TRDN: variants seen among roughly 807,000 people sequenced by gnomAD.
TRDN encodes the protein triadin.
In TRDN, 161 loss-of-function variants were observed where a neutral mutation model predicts 149.7. That is an observed-to-expected ratio of 1.08 (90% CI 0.95 to 1.23). The LOEUF is 1.23. Among genes scored for constraint, TRDN ranks in the 50% most tolerant of loss-of-function variants. TRDN has a pLI of 0.00. For missense variants in TRDN, 896 were observed against 823.5 expected, an observed-to-expected ratio of 1.09 and a Z score of -1.08; for synonymous variants, 294 against 250.5, an observed-to-expected ratio of 1.17 and a Z score of -1.64.
In TRDN at chr6:123,218,581, T is replaced by A. The variant is rs373339957; in HGVS notation, c.*20A>T. The stretch of plus-strand genomic sequence containing the variant: ...CATTTTTAAAATCTTAAAGCACTTG[T>A]AAGGGTCATACATGTGTGTTTACTG... On this transcript the variant is annotated 3_prime_UTR_variant, in exon 41 of 41. Coordinates refer to ENST00000334268, the MANE Select transcript of TRDN (RefSeq NM_006073.4). 6.2e-7 allele frequency: 1 copy of A among 1,601,514 alleles called. No individual in the cohort carries two copies. The highest frequency in any genetic ancestry group is 8.5e-7 in the Non-Finnish European group (1 of 1,174,836).
chr6:123,512,446 T>C (rs552283988), intron 6 of TRDN, 84 bp from the exon 7 acceptor site: 3 of 732,446 alleles, frequency 4.1e-6, no homozygotes, highest in Non-Finnish European at 6.8e-6. Flanking sequence ...TCATAAGTGC[T>C]AAAACCTAAT....
At chr6:123,562,519 C>G (rs1294908093) in intron 2 of TRDN, among the ~76,000 whole-genome samples, 1 of 152,192 alleles carries the variant, frequency 6.6e-6, no homozygotes, top group African/African-American at 2.4e-5. Context: ...TAGGTTCTCA[C>G]AGATACCAAA....
At chr6:123,601,739 G>T (rs901598070) in intron 1 of TRDN, among the ~76,000 whole-genome samples, 8 of 152,052 alleles carry the variant, frequency 5.3e-5, no homozygotes, top group Non-Finnish European at 1.0e-4. Flanking sequence ...CTCTAAGCTG[G>T]CAGGTAACAA....
intron 23 of TRDN, among the ~76,000 whole-genome samples, chr6:123,318,264 T>G (rs1409383645): frequency 6.6e-6 from 1 of 152,032 alleles, no homozygotes; most frequent in Non-Finnish European, 1.5e-5. Context: ...TCAAGCAAAT[T>G]AGCACAATTC....
intron 12 of TRDN, among the ~76,000 whole-genome samples, chr6:123,406,684 T>C (rs1057314020): frequency 1.3e-5 from 2 of 152,138 alleles, no homozygotes; most frequent in Non-Finnish European, 2.9e-5. Context: ...TTTACATAAA[T>C]GTCTCTGCCT....
intron 5 of TRDN, among the ~76,000 whole-genome samples, chr6:123,519,110 G>C (rs1779547942): frequency 6.6e-6 from 1 of 152,190 alleles, no homozygotes; most frequent in African/African-American, 2.4e-5. Context: ...GCTCAGGACA[G>C]AATAAGCTTC....
At chr6:123,580,848 G>A (rs1783087528) in intron 1 of TRDN, among the ~76,000 whole-genome samples, 1 of 152,142 alleles carries the variant, frequency 6.6e-6, no homozygotes, top group Non-Finnish European at 1.5e-5. Context: ...CATCCTCACA[G>A]TTTGCACTTG....
At chr6:123,236,025 T>C (rs560090864) in intron 38 of TRDN, among the ~76,000 whole-genome samples, 3 of 152,276 alleles carry the variant, frequency 2.0e-5, no homozygotes, top group African/African-American at 7.2e-5. Context: ...CAAACATAAA[T>C]TTTTATTTCT....
intron 1 of TRDN, among the ~76,000 whole-genome samples, chr6:123,632,357 T>C (rs1216616867): frequency 6.6e-6 from 1 of 152,062 alleles, no homozygotes; most frequent in Non-Finnish European, 1.5e-5. Context: ...CTAGCTATCA[T>C]TTTAATGGTT....
rs142182694 is a variant in TRDN, at chr6:123,631,510, CATAAGT to C, written c.22+5238_22+5243del. ...TTACTTCCTTGTCTGCTTTTACAAA[CATAAGT>C]ATATTTCCAGACTACTCTGCTTAAT... On this transcript the variant is annotated intron_variant, in intron 1 of 40. Coordinates refer to ENST00000334268, the MANE Select transcript of TRDN (RefSeq NM_006073.4). Among the ~76,000 whole-genome samples the C allele has an allele frequency of 7.2e-3, 1,101 of 152,072 alleles. 59 individuals are homozygous for C. In the East Asian group the frequency reaches 0.16, roughly 22 times the overall value.
chr6:123,468,357 G>GT lies in TRDN; in HGVS notation c.854-3375dup, dbSNP rs1391180895. 9.9e-5 allele frequency among the ~76,000 whole-genome samples: 15 copies of GT among 152,224 alleles called. 1 individual carries two copies. Among genetic ancestry groups the GT allele is most frequent in the African/African-American group, 3.6e-4 (15 of 41,558 alleles). On this transcript the variant is annotated intron_variant, in intron 9 of 40. Transcript: ENST00000334268. ...AAAATCCCTCTGACATTCAAACACA[G>GT]TAAGTTGGCTTCATTTCTGTTCCTT... is the stretch of plus-strand genomic sequence containing the variant.
At chr6:123,234,946 G>A (rs113719247) in intron 38 of TRDN, among the ~76,000 whole-genome samples, 161 of 152,148 alleles carry the variant, frequency 1.1e-3, no homozygotes, top group African/African-American at 3.8e-3. Flanking sequence ...AGCCAGGGAG[G>A]GTGGGACAAT....
chr6:123,563,624 T>G (rs762811483), intron 2 of TRDN, among the ~76,000 whole-genome samples: 9 of 152,182 alleles, frequency 5.9e-5, no homozygotes, highest in African/African-American at 9.7e-5. Context: ...TCTGGTGGCA[T>G]AAAAGTCAAA....
At chr6:123,231,273 T>C (rs999540844) in intron 38 of TRDN, among the ~76,000 whole-genome samples, 1 of 151,990 alleles carries the variant, frequency 6.6e-6, no homozygotes, top group Non-Finnish European at 1.5e-5. Flanking sequence ...CTCTGAAGTA[T>C]GAGATAGTAT....
At chr6:123,279,019 TG>T in intron 25 of TRDN, 36 bp downstream of exon 25, 1 of 1,589,790 alleles carries the variant, frequency 6.3e-7, no homozygotes, top group Non-Finnish European at 8.6e-7. Flanking sequence ...TATGTACATA[TG>T]TACGTGTTTG....
chr6:123,236,298 T>C (rs2114533167), intron 38 of TRDN, among the ~76,000 whole-genome samples: 1 of 152,348 alleles, frequency 6.6e-6, no homozygotes, highest in South Asian at 2.1e-4. Context: ...TATTTGCTAT[T>C]CATACATCCT....
chr6:123,620,763 G>C (rs925690644), intron 1 of TRDN, among the ~76,000 whole-genome samples: 28 of 152,056 alleles, frequency 1.8e-4, no homozygotes, highest in African/African-American at 6.8e-4. Context: ...TTTAAAGATG[G>C]GCAATCTTCA....
At chr6:123,331,966 A>G in intron 22 of TRDN, 37 bp from the exon 23 acceptor site, 1 of 1,479,528 alleles carries the variant, frequency 6.8e-7, no homozygotes, top group Non-Finnish European at 9.1e-7. Context: ...TGAAGCCAAG[A>G]CAAAGAGATT....
At chr6:123,301,782 T>TACAC (rs1562252344) in intron 24 of TRDN, among the ~76,000 whole-genome samples, 1 of 57,600 alleles carries the variant, frequency 1.7e-5, no homozygotes. Context: ...TATATATATA[T>TACAC]ATATACATAA....
Sources: gnomAD v4.1 joint callset for allele counts (sites outside exome capture counted in the v4.1 genomes callset) on GRCh38, gnomAD v4.1.1 for gene constraint, MANE v1.5 for transcripts, NCBI Gene and HGNC (gene_info 2026-07-23, HGNC 2026-07-21) for gene names.